The following SLC24A2 variants were observed in gnomAD, a reference collection of about 807,000 sequenced individuals.
SLC24A2 encodes solute carrier family 24 member 2.
A neutral mutation model predicts 62.0 loss-of-function variants in SLC24A2; 36 were observed. The observed-to-expected ratio is 0.58, with a 90% CI of 0.44 to 0.77. The LOEUF (loss-of-function observed/expected upper bound fraction) is 0.77. Ranked by LOEUF, SLC24A2 falls within the 30% of genes least tolerant of loss-of-function variation. SLC24A2 has a pLI of 0.00. For synonymous variants in SLC24A2, 358 were observed against 294.0 expected (o/e 1.22, Z -2.23); for missense variants, 846 against 817.9 (o/e 1.03, Z -0.42).
the SLC24A2 span, among the ~76,000 whole-genome samples, chr9:19,800,344 T>A: frequency 6.6e-6 from 1 of 152,200 alleles, no homozygotes; most frequent in African/African-American, 2.4e-5. Context: ...ACTCTATTAG[T>A]CTATATCTTC....
the SLC24A2 span, among the ~76,000 whole-genome samples, chr9:19,883,090 C>A: frequency 3.3e-5 from 5 of 152,264 alleles, no homozygotes; most frequent in African/African-American, 1.2e-4. Flanking sequence ...CTTAGAATAT[C>A]AAATGATTAA....
chr9:19,934,053 G>C, the SLC24A2 span, among the ~76,000 whole-genome samples: 2 of 152,154 alleles, frequency 1.3e-5, no homozygotes, highest in Non-Finnish European at 2.9e-5. The surrounding 1 kb of genome is among the most constrained non-coding windows in gnomAD (Gnocchi z 4.1). Context: ...AGTTGTGATG[G>C]CTACTCAACC....
chr9:19,761,072 A>G (rs1822310044), intron 2 of SLC24A2, among the ~76,000 whole-genome samples: 1 of 152,144 alleles, frequency 6.6e-6, no homozygotes, highest in Non-Finnish European at 1.5e-5. Context: ...AAAAAAATAA[A>G]TTAAATTTAA....
At chr9:19,952,971 T>A in the SLC24A2 span, among the ~76,000 whole-genome samples, 1 of 151,996 alleles carries the variant, frequency 6.6e-6, no homozygotes, top group Non-Finnish European at 1.5e-5. Flanking sequence ...TCTTCTTGGG[T>A]CAGTTTTTGA....
At chr9:19,817,263 G>A in the SLC24A2 span, among the ~76,000 whole-genome samples, 1 of 151,676 alleles carries the variant, frequency 6.6e-6, no homozygotes, top group Non-Finnish European at 1.5e-5. Flanking sequence ...CAACTATAGG[G>A]AGTTATGCCT....
At chr9:19,968,063 C>G in the SLC24A2 span, 1 of 152,118 alleles carries the variant, frequency 6.6e-6, no homozygotes, top group East Asian at 1.9e-4. Flanking sequence ...CTTGGTTTCC[C>G]CACCTATAAA....
the SLC24A2 span, among the ~76,000 whole-genome samples, chr9:19,871,221 C>G: frequency 6.6e-6 from 1 of 152,138 alleles, no homozygotes; most frequent in Non-Finnish European, 1.5e-5. Context: ...TTATTTCTGA[C>G]AATAAGTTAT....
chr9:20,269,709 C>T, the SLC24A2 span, among the ~76,000 whole-genome samples: 1 of 152,178 alleles, frequency 6.6e-6, no homozygotes, highest in East Asian at 1.9e-4. Flanking sequence ...AGAGGCTTAC[C>T]TTCTGGTAGT....
At chr9:20,174,753 G>T in the SLC24A2 span, among the ~76,000 whole-genome samples, 1 of 152,100 alleles carries the variant, frequency 6.6e-6, no homozygotes, top group East Asian at 1.9e-4. Flanking sequence ...TTGCTTGTGG[G>T]AGTGTAAACT....
chr9:19,944,059 T>A, the SLC24A2 span, among the ~76,000 whole-genome samples: 61 of 152,134 alleles, frequency 4.0e-4, no homozygotes, highest in African/African-American at 1.4e-3. Context: ...AAGCTAAACA[T>A]TGGGTAATCA....
In SLC24A2 at chr9:19,786,915, A is replaced by G; in HGVS notation, c.-49T>C. ...TGATCTTCCAACTTTAGACTCAACC[A>G]GATGGTTCTTTCATACTTTTCCTTA... On this transcript the variant is annotated 5_prime_UTR_variant, in exon 2 of 11. Coordinates refer to ENST00000341998, the MANE Select transcript of SLC24A2 (RefSeq NM_020344.4). The surrounding 1 kb of genome is among the most constrained non-coding windows in gnomAD (Gnocchi z 5.0). 1 of 1,594,980 alleles carries G rather than the reference A, an allele frequency of 6.3e-7. No individual in the cohort carries two copies. The highest frequency in any genetic ancestry group is 8.5e-7 in the Non-Finnish European group (1 of 1,176,772).
At chr9:20,153,697 T>C in the SLC24A2 span, among the ~76,000 whole-genome samples, 7 of 151,960 alleles carry the variant, frequency 4.6e-5, no homozygotes, top group African/African-American at 1.4e-4. Flanking sequence ...ATAGTCTCAG[T>C]TCTGTCTGGT....
the SLC24A2 span, among the ~76,000 whole-genome samples, chr9:20,247,673 T>C: frequency 6.6e-6 from 1 of 152,242 alleles, no homozygotes; most frequent in African/African-American, 2.4e-5. Flanking sequence ...CAAAAGTCTA[T>C]AGTATGGTGT....
At chr9:19,723,728 G>C (rs1377211756) in intron 2 of SLC24A2, among the ~76,000 whole-genome samples, 1 of 151,932 alleles carries the variant, frequency 6.6e-6, no homozygotes, top group African/African-American at 2.4e-5. Context: ...AGAATTTCTA[G>C]TAATAATTAA....
At chr9:19,579,872 G>A (rs1273909446) in intron 5 of SLC24A2, among the ~76,000 whole-genome samples, 2 of 152,174 alleles carry the variant, frequency 1.3e-5, no homozygotes, top group Non-Finnish European at 2.9e-5. Context: ...CATGCCCTCT[G>A]CCAGGAAGCA....
intron 2 of SLC24A2, among the ~76,000 whole-genome samples, chr9:19,647,068 GCACACACACACACACACACA>G (rs142480390): frequency 3.7e-5 from 3 of 80,010 alleles, no homozygotes; most frequent in Non-Finnish European, 7.1e-5. Context: ...ACACACGCGC[GCACACACACACACACACACA>G]CACACACACA....
chr9:20,253,949 A>G, the SLC24A2 span, among the ~76,000 whole-genome samples: 1 of 152,160 alleles, frequency 6.6e-6, no homozygotes, highest in African/African-American at 2.4e-5. Context: ...GTAAAGGAGG[A>G]CCAATGAGGG....
chr9:19,566,276 AC>A (rs1475857669), intron 7 of SLC24A2, among the ~76,000 whole-genome samples: 1 of 150,552 alleles, frequency 6.6e-6, no homozygotes, highest in African/African-American at 2.4e-5. Context: ...CAAGAAAAAA[AC>A]AACCCCATCA....
At chr9:20,279,557 A>G in the SLC24A2 span, among the ~76,000 whole-genome samples, 1 of 152,190 alleles carries the variant, frequency 6.6e-6, no homozygotes, top group African/African-American at 2.4e-5. Context: ...AATAAAAATA[A>G]AGGCTATTTT....
Sources: allele counts gnomAD v4.1 joint callset (sites outside exome capture counted in the v4.1 genomes callset), GRCh38; gene constraint gnomAD v4.1.1; non-coding constraint Gnocchi (gnomAD v3.1); transcripts MANE v1.5; gene names NCBI Gene and HGNC (gene_info 2026-07-23, HGNC 2026-07-21).